Variants in SOBP observed in about 807,000 individuals in gnomAD.
SOBP encodes the protein sine oculis binding protein homolog, also known as sine oculis-binding protein homolog.
A neutral mutation model predicts 53.6 loss-of-function variants in SOBP; 4 were observed. The ratio of observed to expected loss-of-function variants is 0.07; its 90% CI spans 0.04 to 0.17. The LOEUF (loss-of-function observed/expected upper bound fraction) is 0.17. Ranked by LOEUF, SOBP falls within the 10% of genes least tolerant of loss-of-function variation. The pLI is 1.00. For synonymous variants in SOBP, 584 were observed against 522.6 expected (o/e 1.12, Z -1.60); for missense variants, 1,088 against 1,204.7 (o/e 0.90, Z 1.43).
At chr6:107,497,200 T>C (rs1207194970) in intron 1 of SOBP, among the ~76,000 whole-genome samples, 1 of 152,266 alleles carries the variant, frequency 6.6e-6, no homozygotes, top group East Asian at 1.9e-4. Context: ...CTACTATTCA[T>C]AACCTTAACT....
intron 5 of SOBP, among the ~76,000 whole-genome samples, chr6:107,592,476 A>G (rs898741149): frequency 1.3e-5 from 2 of 152,186 alleles, no homozygotes; most frequent in Admixed American, 1.3e-4. Context: ...AATAGGTGCA[A>G]TTGACCAGAG....
At chr6:107,603,559 G>C (rs527240816) in intron 5 of SOBP, among the ~76,000 whole-genome samples, 1 of 152,178 alleles carries the variant, frequency 6.6e-6, no homozygotes, top group African/African-American at 2.4e-5. Flanking sequence ...GACATGCCAG[G>C]ACTGACTTTT....
Position 107,490,638 on chromosome 6 carries a change from G to A in SOBP, c.22G>A (p.Gly8Arg), listed in dbSNP as rs1782555031. 4 of 1,607,144 alleles carry A rather than the reference G, an allele frequency of 2.5e-6. No homozygotes were observed. The highest frequency in any genetic ancestry group is 3.4e-6 in the Non-Finnish European group (4 of 1,176,354). The change falls in exon 1 of 7, where the codon GGG becomes AGG. Residue 8 changes from glycine (G) to arginine (R), a missense_variant. By Grantham distance (125) the Gly-to-Arg change is moderately radical. Around this residue, in one of 6 missense-constraint regions of SOBP, gnomAD observed 37 missense variants for 37.8 expected, o/e 0.98. Coordinates refer to ENST00000317357, the MANE Select transcript of SOBP (RefSeq NM_018013.4). MAEMEKEGRPPENKRSRK... is the reference protein window; with the variant it reads MAEMEKERRPPENKRSRK... The stretch of plus-strand genomic sequence containing the variant: ...AAACATGGCAGAAATGGAGAAAGAA[G>A]GGAGACCTCCCGAAAATAAACGGAG...
intron 4 of SOBP, among the ~76,000 whole-genome samples, chr6:107,581,685 G>A (rs1012089639): frequency 6.6e-6 from 1 of 152,196 alleles, no homozygotes; most frequent in Non-Finnish European, 1.5e-5. Context: ...AACCAGAAAC[G>A]AGATTTCAGA....
intron 1 of SOBP, among the ~76,000 whole-genome samples, chr6:107,493,981 G>A (rs760799020): frequency 6.6e-6 from 1 of 152,198 alleles, no homozygotes; most frequent in African/African-American, 2.4e-5. Flanking sequence ...TGTATGAAAA[G>A]TACATGACTT....
At chr6:107,571,988 AT>A (rs1785085987) in intron 4 of SOBP, among the ~76,000 whole-genome samples, 2 of 152,326 alleles carry the variant, frequency 1.3e-5, no homozygotes, top group East Asian at 1.9e-4. Context: ...CAAGGAGAAC[AT>A]TTTACTGTAA....
intron 4 of SOBP, among the ~76,000 whole-genome samples, chr6:107,578,235 ACCCT>A (rs1785297414): frequency 8.2e-6 from 1 of 122,320 alleles, no homozygotes; most frequent in Non-Finnish European, 1.7e-5. Flanking sequence ...CCCACCCCGC[ACCCT>A]CCCTCCCTTC....
At chr6:107,650,775 T>C (rs1194137987) in intron 6 of SOBP, among the ~76,000 whole-genome samples, 2 of 152,146 alleles carry the variant, frequency 1.3e-5, no homozygotes, top group East Asian at 3.8e-4. Context: ...GGCCTCTAAA[T>C]GTTTAAGTGA....
At chr6:107,592,128 C>A (rs773223987) in intron 5 of SOBP, among the ~76,000 whole-genome samples, 1 of 152,114 alleles carries the variant, frequency 6.6e-6, no homozygotes, top group Non-Finnish European at 1.5e-5. Context: ...TCTTTTCCTG[C>A]TCAACACAAC....
intron 5 of SOBP, among the ~76,000 whole-genome samples, chr6:107,588,880 T>G (rs1785655788): frequency 6.6e-6 from 1 of 152,210 alleles, no homozygotes; most frequent in Non-Finnish European, 1.5e-5. Flanking sequence ...AAATGCTTTA[T>G]TTTGGTCAGT....
rs183060440 is a variant in SOBP, at chr6:107,578,691, G to A, written c.574-8389G>A. On this transcript the variant is annotated intron_variant, in intron 4 of 6. Transcript: ENST00000317357. Reference sequence around the variant, plus strand: ...TTAGGATGGTGTCTGGTACGTGCAAGAAAAGCTGTAGAAATGTTAGCCATT... The same window carrying A: ...TTAGGATGGTGTCTGGTACGTGCAAAAAAAGCTGTAGAAATGTTAGCCATT... Among the ~76,000 whole-genome samples the A allele has an allele frequency of 2.3e-4, 35 of 152,344 alleles. 1 individual carries two copies. The East Asian group carries it at 4.8e-3, about 21-fold the overall frequency.
chr6:107,498,575 GCT>G (rs1456613777), intron 1 of SOBP, among the ~76,000 whole-genome samples: 1 of 151,896 alleles, frequency 6.6e-6, no homozygotes, highest in East Asian at 1.9e-4. Flanking sequence ...GTCATTCACA[GCT>G]CCTCAGAAAG....
intron 6 of SOBP, among the ~76,000 whole-genome samples, chr6:107,647,819 C>T (rs902071442): frequency 2.6e-5 from 4 of 152,016 alleles, no homozygotes; most frequent in East Asian, 3.9e-4. Flanking sequence ...TTGCCACCCA[C>T]GGCATGGCTT....
At chr6:107,581,827 C>G (rs572236667) in intron 4 of SOBP, among the ~76,000 whole-genome samples, 7 of 152,200 alleles carry the variant, frequency 4.6e-5, no homozygotes, top group Non-Finnish European at 1.0e-4. Flanking sequence ...TTTCTCCTCT[C>G]CAATTCTTCA....
At chr6:107,526,600 C>T (rs188064565) in intron 3 of SOBP, among the ~76,000 whole-genome samples, 22 of 152,288 alleles carry the variant, frequency 1.4e-4, no homozygotes, top group African/African-American at 3.4e-4. Context: ...TGCATTCTGC[C>T]TGTCATAAAA....
chr6:107,547,748 C>T (rs1312010178), intron 4 of SOBP, among the ~76,000 whole-genome samples: 5 of 152,174 alleles, frequency 3.3e-5, no homozygotes, highest in Non-Finnish European at 7.3e-5. Context: ...ATAGTACATA[C>T]ATTAATCCAC....
intron 6 of SOBP, among the ~76,000 whole-genome samples, chr6:107,654,012 C>T (rs1231476334): frequency 6.6e-6 from 1 of 152,188 alleles, no homozygotes; most frequent in African/African-American, 2.4e-5. Context: ...GTATCTAGAT[C>T]ACATTCTTGG....
At chr6:107,625,171 T>C (rs1770402015) in intron 5 of SOBP, among the ~76,000 whole-genome samples, 2 of 152,180 alleles carry the variant, frequency 1.3e-5, no homozygotes, top group Admixed American at 1.3e-4. Context: ...TTGTTACTAG[T>C]GTATAATTTA....
rs902749213 is a variant in SOBP at position 107,635,866 on chromosome 6, G to A, written c.*3+397G>A. Among the ~76,000 whole-genome samples, 1 of 152,234 alleles carries A rather than the reference G, an allele frequency of 6.6e-6. No individual in the cohort carries two copies. Among genetic ancestry groups the A allele is most frequent in the Non-Finnish European group, 1.5e-5 (1 of 68,046 alleles). ...AGAGATTAACTTGGGACACCTAAAT[G>A]TGTGATCATGAGGTTGCAGGGCAGT... On this transcript the variant is annotated intron_variant, in intron 6 of 6. Transcript: ENST00000317357. This position sits in a 1 kb window ranked among gnomAD's most constrained non-coding sequence, Gnocchi z 4.5.
Sources: gnomAD v4.1 joint callset for allele counts (sites outside exome capture counted in the v4.1 genomes callset) on GRCh38, gnomAD v4.1.1 for gene constraint, gnomAD v4.1.1 regional missense constraint, Gnocchi (gnomAD v3.1) non-coding constraint, MANE v1.5 for transcripts, NCBI Gene and HGNC (gene_info 2026-07-23, HGNC 2026-07-21) for gene names.